The following GABRG2 variants were observed in gnomAD, a reference collection of about 807,000 sequenced individuals.
GABRG2 encodes the protein gamma-aminobutyric acid type A receptor subunit gamma2.
Under a neutral mutation model 56.4 loss-of-function variants are expected in GABRG2, and 16 were observed. The observed-to-expected ratio is 0.28, with a 90% confidence interval of 0.19 to 0.43. The LOEUF (loss-of-function observed/expected upper bound fraction) is 0.43. Ranked by LOEUF, GABRG2 falls within the 20% of genes least tolerant of loss-of-function variation. The pLI is 1.00. For synonymous variants in GABRG2, 208 were observed against 205.5 expected (o/e 1.01, Z -0.10); for missense variants, 327 against 582.7 (o/e 0.56, Z 4.52).
At chr5:162,135,575 A>C (rs1764063272) in intron 6 of GABRG2, among the ~76,000 whole-genome samples, 2 of 152,220 alleles carry the variant, frequency 1.3e-5, no homozygotes, top group South Asian at 4.1e-4. Flanking sequence ...TCTAGAGTAT[A>C]ATCCAGTATT....
intron 1 of GABRG2, among the ~76,000 whole-genome samples, chr5:162,070,355 T>C (rs1435379673): frequency 6.6e-6 from 1 of 151,946 alleles, no homozygotes; most frequent in African/African-American, 2.4e-5. Flanking sequence ...AAAAAGTCAT[T>C]TGAATTGTTG....
In GABRG2 at chr5:162,105,430, A is replaced by ATTTTTTTTTTTT. The variant is rs1319420213; in HGVS notation, c.769+1405_769+1406insTTTTTTTTTTTT. Among the ~76,000 whole-genome samples, 14 of 43,992 alleles carry ATTTTTTTTTTTT rather than the reference A, an allele frequency of 3.2e-4. 1 individual carries two copies. Among genetic ancestry groups the ATTTTTTTTTTTT allele is most frequent in the Admixed American group, 1.2e-3 (4 of 3,396 alleles). The allele number at this position is 43,992 out of a possible 152,430, so 28.9% of individuals were successfully genotyped here. A position where few individuals can be genotyped will look rare whatever the true frequency, so the allele number is the denominator to read the frequency against. ...CTGACCATCAAGTATTAGTAGAACA[A>ATTTTTTTTTTTT]TCTTTTTTTTTTTTTTTGAGAAGGA... On this transcript the variant is annotated intron_variant, in intron 6 of 9. Transcript: ENST00000639213.
intron 6 of GABRG2, among the ~76,000 whole-genome samples, chr5:162,112,775 T>C (rs1419833673): frequency 1.3e-5 from 2 of 152,106 alleles, no homozygotes; most frequent in East Asian, 3.9e-4. Context: ...TTATTTACCA[T>C]TTTCACCTGC....
intron 1 of GABRG2, among the ~76,000 whole-genome samples, chr5:162,078,680 C>T (rs1413008380): frequency 6.6e-6 from 1 of 151,538 alleles, no homozygotes; most frequent in East Asian, 1.9e-4. Flanking sequence ...GCTGGGATTA[C>T]AGGTATGAGC....
intron 1 of GABRG2, among the ~76,000 whole-genome samples, chr5:162,091,556 G>A (rs938814380): frequency 6.6e-6 from 1 of 151,886 alleles, no homozygotes; most frequent in African/African-American, 2.4e-5. Flanking sequence ...CCAGAAAGCA[G>A]AACTAGCATT....
At chr5:162,137,726 ATTTCTTTT>A (rs1764238747) in intron 6 of GABRG2, among the ~76,000 whole-genome samples, 1 of 151,078 alleles carries the variant, frequency 6.6e-6, no homozygotes, top group Non-Finnish European at 1.5e-5. Flanking sequence ...TTCTTTCTTT[ATTTCTTTT>A]TTTCTTTTTG....
At chr5:162,095,889 G>A (rs571833319) in intron 3 of GABRG2, among the ~76,000 whole-genome samples, 3 of 151,962 alleles carry the variant, frequency 2.0e-5, no homozygotes, top group Non-Finnish European at 4.4e-5. Flanking sequence ...AACATTGATA[G>A]TTTGGTTCAA....
At chr5:162,087,443 G>C (rs1409944190) in intron 1 of GABRG2, among the ~76,000 whole-genome samples, 3 of 152,036 alleles carry the variant, frequency 2.0e-5, no homozygotes, top group African/African-American at 7.2e-5. Flanking sequence ...AAAACAGGAG[G>C]CTTTTGGGGG....
chr5:162,090,301 G>C (rs450549), intron 1 of GABRG2, among the ~76,000 whole-genome samples: 1 of 145,504 alleles, frequency 6.9e-6, no homozygotes, highest in Non-Finnish European at 1.5e-5. Context: ...TATACACATA[G>C]ACATACACAT....
At chr5:162,148,043 G>A (rs1423680347) in intron 7 of GABRG2, among the ~76,000 whole-genome samples, 1 of 152,162 alleles carries the variant, frequency 6.6e-6, no homozygotes, top group Non-Finnish European at 1.5e-5. Context: ...TTTGCCTTTA[G>A]TATAAATTAC....
chr5:162,104,005 G>A lies in GABRG2; in HGVS notation c.748G>A (p.Glu250Lys), dbSNP rs549251133. ...ATTTGTTGGTCTAAGAAATACCACC[G>A]AAGTAGTGAAGACAACTTCCGGTAA... ...FSFVGLRNTT[E>K]VVKTTSGDYV... is the part of the protein sequence containing the mutation. The change falls in exon 6 of 10, where the codon GAA becomes AAA. Residue 250 changes from glutamate to lysine, a missense_variant. Physicochemically the swap from Glu to Lys is moderately conservative, Grantham distance 56. Coordinates refer to ENST00000639213, the MANE Select transcript of GABRG2 (RefSeq NM_198904.4). 6 of 1,613,924 alleles carry A rather than the reference G, an allele frequency of 3.7e-6. No individual in the cohort carries two copies. Among genetic ancestry groups the A allele is most frequent in the South Asian group, 2.2e-5 (2 of 91,080 alleles).
intron 7 of GABRG2, 39 bp from the exon 8 acceptor site, chr5:162,149,069 A>T: frequency 6.3e-7 from 1 of 1,595,254 alleles, no homozygotes; most frequent in Non-Finnish European, 8.6e-7. Context: ...CAACTTGCTT[A>T]TGCAATCACA....
chr5:162,118,460 A>T (rs1762774248), intron 6 of GABRG2, among the ~76,000 whole-genome samples: 2 of 152,096 alleles, frequency 1.3e-5, no homozygotes, highest in South Asian at 4.1e-4. Context: ...TGGACATATT[A>T]TCTCTGTCTC....
At position 162,153,078 on chromosome 5, in the gene GABRG2, C is replaced by G. The variant is rs764389038; in HGVS notation, c.1153-15C>G. Reference sequence around the variant, plus strand: ...ACAACTAACTGATCCCTCTCCTTCCCTACCCTCGTCCCAGGCCCCTACCAT... The same window carrying G: ...ACAACTAACTGATCCCTCTCCTTCCGTACCCTCGTCCCAGGCCCCTACCAT... On this transcript the variant is annotated splice_polypyrimidine_tract_variant and intron_variant, in intron 9 of 9. Transcript: ENST00000639213. 3.7e-6 allele frequency: 6 copies of G among 1,613,892 alleles called. No individual in the cohort carries two copies. The highest frequency in any genetic ancestry group is 5.1e-6 in the Non-Finnish European group (6 of 1,179,866).
chr5:162,140,158 T>C (rs1764449248), intron 6 of GABRG2, among the ~76,000 whole-genome samples: 1 of 152,244 alleles, frequency 6.6e-6, no homozygotes, highest in South Asian at 2.1e-4. Flanking sequence ...AAAAAATTTC[T>C]ATCTTCAAGT....
chr5:162,074,397 G>A (rs889849420), intron 1 of GABRG2, among the ~76,000 whole-genome samples: 1 of 152,028 alleles, frequency 6.6e-6, no homozygotes, highest in Non-Finnish European at 1.5e-5. Context: ...AACAAGGGTT[G>A]TTTTAAAGCA....
Position 162,115,329 on chromosome 5 carries a change from G to A in GABRG2, c.769+11303G>A, listed in dbSNP as rs1011973261. 4.6e-5 allele frequency among the ~76,000 whole-genome samples: 7 copies of A among 152,032 alleles called. 1 individual carries two copies. The highest frequency in any genetic ancestry group is 3.8e-4 in the East Asian group (2 of 5,196). On this transcript the variant is annotated intron_variant, in intron 6 of 9. Coordinates refer to ENST00000639213, the MANE Select transcript of GABRG2 (RefSeq NM_198904.4). ...TCCTGGTATTTAACATCTCTGTTAC[G>A]AAGCAAACATATGGTGGGTATTTGC...
chr5:162,136,005 C>G (rs1194139109), intron 6 of GABRG2, among the ~76,000 whole-genome samples: 1 of 152,064 alleles, frequency 6.6e-6, no homozygotes, highest in Non-Finnish European at 1.5e-5. Context: ...TAGGCATGAT[C>G]AGAGGGTAGA....
rs568469889 is a variant in GABRG2 at position 162,145,405 on chromosome 5, G to GT, written c.922+3090dup. Among the ~76,000 whole-genome samples, 30 of 152,278 alleles carry GT rather than the reference G, an allele frequency of 2.0e-4. No individual in the cohort carries two copies. In the East Asian group the frequency reaches 5.4e-3, roughly 28 times the overall value. ...CTTCATGCCAAGACTGGAGGAACTG[G>GT]TAAAAGCTATGGATATATTTCATCC... On this transcript the variant is annotated intron_variant, in intron 7 of 9. Transcript: ENST00000639213.
Sources: allele counts gnomAD v4.1 joint callset (sites outside exome capture counted in the v4.1 genomes callset), GRCh38; gene constraint gnomAD v4.1.1; transcripts MANE v1.5; gene names NCBI Gene and HGNC (gene_info 2026-07-23, HGNC 2026-07-21).